The following NFATC1 variants were observed in gnomAD, a reference collection of about 807,000 sequenced individuals.
The protein encoded by NFATC1 is nuclear factor of activated T-cells, cytoplasmic 1.
A neutral mutation model predicts 76.0 loss-of-function variants in NFATC1; 22 were observed. The observed-to-expected ratio is 0.29, with a 90% CI of 0.21 to 0.41. The LOEUF (loss-of-function observed/expected upper bound fraction) is 0.41, where lower values mean the gene tolerates loss of function less well. Among genes scored for constraint, NFATC1 ranks in the 10% least tolerant of loss-of-function variants. The pLI is 1.00. For missense variants in NFATC1, 1,357 were observed against 1,337.7 expected, an observed-to-expected ratio of 1.01 and a Z score of -0.23; for synonymous variants, 704 against 613.1, an observed-to-expected ratio of 1.15 and a Z score of -2.19.
intron 1 of NFATC1, among the ~76,000 whole-genome samples, chr18:79,409,507 G>A (rs991905643): frequency 6.1e-5 from 9 of 148,276 alleles, no homozygotes; most frequent in South Asian, 2.2e-4. Context: ...CCATCCATCC[G>A]TTTAGCTGTC....
intron 9 of NFATC1, among the ~76,000 whole-genome samples, chr18:79,489,909 C>T (rs771303121): frequency 2.0e-4 from 30 of 152,294 alleles, no homozygotes; most frequent in Middle Eastern, 6.8e-3. Flanking sequence ...CTTCGGGGGT[C>T]GGGGTTGGGA....
intron 9 of NFATC1, chr18:79,497,327 C>T (rs1480124687): frequency 6.6e-6 from 1 of 151,916 alleles, no homozygotes; most frequent in South Asian, 2.1e-4. Flanking sequence ...GAAGAGCGGC[C>T]CCAGGGGGAA....
rs867476980 is a variant in NFATC1 at position 79,403,826 on chromosome 18, G to A, written c.128-6577G>A. Among the ~76,000 whole-genome samples the A allele has an allele frequency of 5.9e-5, 9 of 152,366 alleles. No homozygotes were observed. The South Asian group carries it at 1.7e-3, about 28-fold the overall frequency. ...GGATTTCTCTTCCCCAAGAGGGCCC[G>A]GGGTGTCCGTGGCTGGTCGGGGGCT... is the stretch of plus-strand genomic sequence containing the variant. On this transcript the variant is annotated intron_variant, in intron 1 of 9. Coordinates refer to ENST00000427363, the MANE Select transcript of NFATC1 (RefSeq NM_001278669.2).
At chr18:79,396,382 C>T (rs1301676048) in intron 1 of NFATC1, 31 bp downstream of exon 1, 2 of 1,211,432 alleles carry the variant, frequency 1.7e-6, no homozygotes, top group Non-Finnish European at 2.1e-6. Flanking sequence ...GCCCCCGGAC[C>T]CCTGCGCCCC....
In NFATC1 at chr18:79,414,891, G is replaced by A. The variant is rs180837096; in HGVS notation, c.1226+3390G>A. The stretch of plus-strand genomic sequence containing the variant: ...GGCTGCGTCTGGAGGAGGCCAGGGC[G>A]AGAGTGCACGTTGAAGGCTGTGCGG... On this transcript the variant is annotated intron_variant, in intron 2 of 9. Transcript: ENST00000427363. Among the ~76,000 whole-genome samples the A allele has an allele frequency of 1.2e-3, 181 of 152,342 alleles. 1 individual carries two copies. Among genetic ancestry groups the A allele is most frequent in the African/African-American group, 4.0e-3 (167 of 41,576 alleles).
intron 9 of NFATC1, among the ~76,000 whole-genome samples, chr18:79,516,626 G>T (rs1224826958): frequency 6.6e-6 from 1 of 152,096 alleles, no homozygotes; most frequent in African/African-American, 2.4e-5. Context: ...AGGAGGTTAT[G>T]GAAAATCCAG....
intron 6 of NFATC1, among the ~76,000 whole-genome samples, chr18:79,457,749 C>G (rs1259033482): frequency 1.3e-5 from 2 of 152,188 alleles, no homozygotes; most frequent in Non-Finnish European, 2.9e-5. Context: ...AACCCCAATG[C>G]CCCCTCGCCG....
At chr18:79,484,396 C>G (rs1000109074) in intron 8 of NFATC1, among the ~76,000 whole-genome samples, 1 of 152,104 alleles carries the variant, frequency 6.6e-6, no homozygotes, top group African/African-American at 2.4e-5. Flanking sequence ...TGATTTTCTT[C>G]CTGCCTCCTG....
intron 9 of NFATC1, among the ~76,000 whole-genome samples, chr18:79,526,797 C>A (rs1413801377): frequency 1.6e-4 from 25 of 152,212 alleles, no homozygotes. Flanking sequence ...CAGGCCGGGG[C>A]CTTTGCAGAA....
intron 8 of NFATC1, among the ~76,000 whole-genome samples, chr18:79,480,098 C>T (rs533376545): frequency 5.3e-5 from 8 of 152,362 alleles, no homozygotes; most frequent in South Asian, 4.1e-4. Flanking sequence ...CTGCCAGCTC[C>T]GGGCCAAGGG....
At chr18:79,435,643 T>A (rs973858904) in intron 3 of NFATC1, among the ~76,000 whole-genome samples, 15 of 152,254 alleles carry the variant, frequency 9.9e-5, no homozygotes, top group African/African-American at 3.6e-4. Flanking sequence ...TTCTGCCATC[T>A]GGGTGTCTTG....
intron 2 of NFATC1, among the ~76,000 whole-genome samples, chr18:79,428,703 A>G (rs2086482816): frequency 6.6e-6 from 1 of 152,246 alleles, no homozygotes; most frequent in Non-Finnish European, 1.5e-5. Context: ...AAGGCCAGGT[A>G]TGGTGATACG....
intron 2 of NFATC1, among the ~76,000 whole-genome samples, chr18:79,425,498 T>C (rs1376719939): frequency 6.6e-6 from 1 of 152,198 alleles, no homozygotes; most frequent in Admixed American, 6.5e-5. Flanking sequence ...GCAGGAGTCA[T>C]GAGCAGCCTT....
At chr18:79,479,863 G>A (rs4567804) in intron 8 of NFATC1, among the ~76,000 whole-genome samples, 61,851 of 152,156 alleles carry the variant, frequency 0.41, 13,954 homozygotes, top group Middle Eastern at 0.64. Flanking sequence ...GCCCGGTCCC[G>A]GTGGGAGGCA....
chr18:79,468,895 A>AC (rs1278320485), intron 8 of NFATC1: 2 of 146,316 alleles, frequency 1.4e-5, no homozygotes, highest in African/African-American at 5.3e-5. Context: ...ATGCTCTGGG[A>AC]CCCCCGGGAT....
chr18:79,521,748 A>G, intron 9 of NFATC1, among the ~76,000 whole-genome samples: 1 of 61,578 alleles, frequency 1.6e-5, no homozygotes, highest in Non-Finnish European at 2.8e-5. Flanking sequence ...GGGTGCATCC[A>G]CAGATGTGTG....
chr18:79,487,459 G>T (rs1013862452), intron 9 of NFATC1, among the ~76,000 whole-genome samples: 1 of 152,228 alleles, frequency 6.6e-6, no homozygotes, highest in South Asian at 2.1e-4. Context: ...CAGGGTGGCC[G>T]TGACACCGGG....
intron 7 of NFATC1, among the ~76,000 whole-genome samples, chr18:79,462,935 C>T (rs796249979): frequency 1.3e-5 from 2 of 152,006 alleles, no homozygotes; most frequent in East Asian, 3.9e-4. Flanking sequence ...GACAGGACAC[C>T]GGGGAGGAGT....
intron 9 of NFATC1, among the ~76,000 whole-genome samples, chr18:79,523,144 G>A (rs148294447): frequency 0.011 from 1,675 of 152,354 alleles, 20 homozygotes; most frequent in Middle Eastern, 0.031. Flanking sequence ...CAAAGGGCCA[G>A]GCAGGGCTGC....
Sources: allele counts gnomAD v4.1 joint callset (sites outside exome capture counted in the v4.1 genomes callset), GRCh38; gene constraint gnomAD v4.1.1; transcripts MANE v1.5; gene names NCBI Gene and HGNC (gene_info 2026-07-23, HGNC 2026-07-21).